ADAMTS6: variants seen among roughly 807,000 people sequenced by gnomAD.
The protein encoded by ADAMTS6 is ADAM metallopeptidase with thrombospondin type 1 motif 6, also known as A disintegrin and metalloproteinase with thrombospondin motifs 6.
In ADAMTS6, 23 loss-of-function variants were observed where a neutral mutation model predicts 144.3. The ratio of observed to expected loss-of-function variants is 0.16; its 90% CI spans 0.11 to 0.23. The LOEUF (loss-of-function observed/expected upper bound fraction) is 0.23, where lower values mean the gene tolerates loss of function less well. Ranked by LOEUF, ADAMTS6 falls within the 10% of genes least tolerant of loss-of-function variation. The probability of loss-of-function intolerance (pLI) is 1.00; values close to 1 mark genes in which losing one functional copy is unlikely to be tolerated. For missense variants in ADAMTS6, 999 were observed against 1,379.6 expected (o/e 0.72, Z 4.37); for synonymous variants, 444 against 457.5 (o/e 0.97, Z 0.38).
intron 11 of ADAMTS6, among the ~76,000 whole-genome samples, chr5:65,274,301 T>A (rs1330315996): frequency 6.6e-6 from 1 of 152,050 alleles, no homozygotes; most frequent in African/African-American, 2.4e-5. Flanking sequence ...AAGAAAATAG[T>A]CAAATTTTCA....
intron 9 of ADAMTS6, among the ~76,000 whole-genome samples, chr5:65,309,002 G>C (rs1744215581): frequency 6.6e-6 from 1 of 151,820 alleles, no homozygotes; most frequent in South Asian, 2.1e-4. Context: ...ATTAATGTTT[G>C]TTAAATCTGA....
rs541855696 is a variant in ADAMTS6, at chr5:65,392,310, C to A, written c.1074-58225G>T. Among the ~76,000 whole-genome samples, 22 of 152,062 alleles carry A rather than the reference C, an allele frequency of 1.4e-4. No individual in the cohort carries two copies. In the East Asian group the frequency reaches 4.1e-3, roughly 28 times the overall value. On this transcript the variant is annotated intron_variant, in intron 7 of 24. Transcript: ENST00000381055. ...CTAACACTTGAAGTTAATCAAATACCCTGCTCCTCATCAAAATCCTCCCCC... is the reference window on the plus strand; with the variant it reads ...CTAACACTTGAAGTTAATCAAATACACTGCTCCTCATCAAAATCCTCCCCC...
In ADAMTS6 at chr5:65,358,156, G is replaced by A. The variant is rs141475557; in HGVS notation, c.1074-24071C>T. 1.5e-4 allele frequency among the ~76,000 whole-genome samples: 23 copies of A among 152,006 alleles called. No homozygotes were observed. The East Asian group carries it at 4.1e-3, about 27-fold the overall frequency. ...ATGAGTAAATGGGATTCATCCTGGG[G>A]ATGCAGGATGGTTCAACAATAAATG... On this transcript the variant is annotated intron_variant, in intron 7 of 24. Coordinates refer to ENST00000381055, the MANE Select transcript of ADAMTS6 (RefSeq NM_197941.4).
chr5:65,325,436 T>C (rs1746065012), intron 9 of ADAMTS6, among the ~76,000 whole-genome samples: 1 of 151,996 alleles, frequency 6.6e-6, no homozygotes, highest in Non-Finnish European at 1.5e-5. Context: ...TGAGACAAGA[T>C]ACTGATATTT....
Position 65,425,825 on chromosome 5 carries a change from G to A in ADAMTS6, c.1073+25650C>T, listed in dbSNP as rs559418457. Among the ~76,000 whole-genome samples, 30 of 151,312 alleles carry A rather than the reference G, an allele frequency of 2.0e-4. No homozygotes were observed. In the South Asian group the frequency reaches 6.2e-3, roughly 31 times the overall value. On this transcript the variant is annotated intron_variant, in intron 7 of 24. Transcript: ENST00000381055. ...GTCCCCCAGGCTTGAGTGCAGTGGC[G>A]CGATGTCGGCTCACTGCAAGCTCCG...
At chr5:65,378,521 C>T (rs943466084) in intron 7 of ADAMTS6, among the ~76,000 whole-genome samples, 5 of 152,120 alleles carry the variant, frequency 3.3e-5, no homozygotes, top group South Asian at 2.1e-4. Flanking sequence ...TCTCAATATG[C>T]GTGAAATTAC....
chr5:65,385,765 G>T (rs1752423901), intron 7 of ADAMTS6, among the ~76,000 whole-genome samples: 1 of 152,010 alleles, frequency 6.6e-6, no homozygotes, highest in Non-Finnish European at 1.5e-5. Context: ...ATAAAGAAAG[G>T]GGCAAATACA....
At chr5:65,169,429 C>T (rs1358327861) in intron 24 of ADAMTS6, among the ~76,000 whole-genome samples, 1 of 140,002 alleles carries the variant, frequency 7.1e-6, no homozygotes, top group Non-Finnish European at 1.5e-5. Context: ...CACTTTTACA[C>T]TGTTGGTGGG....
intron 18 of ADAMTS6, among the ~76,000 whole-genome samples, chr5:65,222,699 T>A (rs1359895759): frequency 6.6e-6 from 1 of 152,070 alleles, no homozygotes; most frequent in Non-Finnish European, 1.5e-5. Flanking sequence ...TGCATTTGTA[T>A]TTTACATTTA....
intron 21 of ADAMTS6, among the ~76,000 whole-genome samples, chr5:65,190,101 CATT>C (rs79033532): frequency 0.048 from 7,250 of 152,222 alleles, 245 homozygotes; most frequent in Non-Finnish European, 0.08. Flanking sequence ...GGCCTTTGTT[CATT>C]ATTATTCGTA....
At chr5:65,265,021 T>C (rs1450391721) in intron 12 of ADAMTS6, among the ~76,000 whole-genome samples, 1 of 152,098 alleles carries the variant, frequency 6.6e-6, no homozygotes, top group African/African-American at 2.4e-5. Flanking sequence ...TGGTACCAAA[T>C]TGACAATCAA....
intron 7 of ADAMTS6, among the ~76,000 whole-genome samples, chr5:65,360,876 G>T (rs1157742514): frequency 6.6e-6 from 1 of 152,118 alleles, no homozygotes; most frequent in Non-Finnish European, 1.5e-5. Flanking sequence ...CTGTATATCT[G>T]ATAAAACTTT....
chr5:65,212,329 A>G (rs1756588747), intron 20 of ADAMTS6, among the ~76,000 whole-genome samples: 1 of 150,852 alleles, frequency 6.6e-6, no homozygotes, highest in South Asian at 2.1e-4. Context: ...TCCCAGAACC[A>G]CCTCCAGTAT....
intron 11 of ADAMTS6, among the ~76,000 whole-genome samples, chr5:65,273,683 ATTAG>A (rs1254554773): frequency 6.6e-5 from 10 of 152,208 alleles, no homozygotes; most frequent in African/African-American, 1.9e-4. Context: ...AGCTTTTAAT[ATTAG>A]TTAGGATCTT....
At chr5:65,322,116 T>G (rs1248809912) in intron 9 of ADAMTS6, among the ~76,000 whole-genome samples, 1 of 152,204 alleles carries the variant, frequency 6.6e-6, no homozygotes, top group Admixed American at 6.5e-5. Context: ...CAGCATTTAT[T>G]GAAAAGGGAA....
At position 65,378,036 on chromosome 5, in the gene ADAMTS6, A is replaced by T. The variant is rs566237784; in HGVS notation, c.1074-43951T>A. ...CTGTATGTCTTTTTTTCTTATAAGG[A>T]CACTAGCCACATCAGAGTAAGGGTC... On this transcript the variant is annotated intron_variant, in intron 7 of 24. Transcript: ENST00000381055. Among the ~76,000 whole-genome samples, 3 of 152,108 alleles carry T rather than the reference A, an allele frequency of 2.0e-5. No homozygotes were observed. The South Asian group carries it at 6.2e-4, about 32-fold the overall frequency.
intron 7 of ADAMTS6, among the ~76,000 whole-genome samples, chr5:65,369,807 T>A (rs892959235): frequency 6.6e-6 from 1 of 152,198 alleles, no homozygotes; most frequent in Non-Finnish European, 1.5e-5. Context: ...TATTTTTCCA[T>A]ATTGATACAT....
At chr5:65,297,106 A>G (rs1742913140) in intron 10 of ADAMTS6, 1 of 426,510 alleles carries the variant, frequency 2.3e-6, no homozygotes, top group African/African-American at 2.1e-5. Context: ...GAAAGACACT[A>G]CCTGCAAAGC....
chr5:65,173,074 C>A (rs1753734339), intron 22 of ADAMTS6, 66 bp from the exon 23 acceptor site: 2 of 1,496,442 alleles, frequency 1.3e-6, no homozygotes, highest in South Asian at 2.5e-5. Flanking sequence ...TGAAGAAAGT[C>A]TTTCTTCATG....
Sources: gnomAD v4.1 joint callset for allele counts (sites outside exome capture counted in the v4.1 genomes callset) on GRCh38, gnomAD v4.1.1 for gene constraint, MANE v1.5 for transcripts, NCBI Gene and HGNC (gene_info 2026-07-23, HGNC 2026-07-21) for gene names.